POMT2: variants seen among roughly 807,000 people sequenced by gnomAD.
The protein encoded by POMT2 is protein O-mannosyltransferase 2, also known as protein O-mannosyl-transferase 2.
Under a neutral mutation model 100.0 loss-of-function variants are expected in POMT2, and 75 were observed. The observed-to-expected ratio is 0.75, with a 90% CI of 0.62 to 0.91. POMT2 has a LOEUF of 0.91. Among genes scored for constraint, POMT2 ranks in the 40% least tolerant of loss-of-function variants. POMT2 has a pLI of 0.00. For missense variants in POMT2, 940 were observed against 955.1 expected (o/e 0.98, Z 0.21); for synonymous variants, 378 against 374.1 (o/e 1.01, Z -0.12).
chr14:77,310,177 A>G (rs1403474365), intron 2 of POMT2, among the ~76,000 whole-genome samples: 1 of 152,228 alleles, frequency 6.6e-6, no homozygotes, highest in Non-Finnish European at 1.5e-5. Flanking sequence ...GTTTAATTCT[A>G]TGGTAGTAAC....
rs370327528 is a variant in POMT2 at position 77,304,760 on chromosome 14, T to C, written c.479A>G (p.Tyr160Cys). The change falls in exon 4 of 21, where the codon TAC becomes TGC. Residue 160 changes from tyrosine to cysteine, a missense_variant. Tyr to Cys is a radical substitution (Grantham distance 194, BLOSUM62 -2). Coordinates refer to ENST00000261534, the MANE Select transcript of POMT2 (RefSeq NM_013382.7). Reference sequence around the variant, plus strand: ...CTTGGACAGATCCAGTACAGTGAGGTAGGCAAAGGGGACCAGCCAGGAGCC... The same window carrying C: ...CTTGGACAGATCCAGTACAGTGAGGCAGGCAAAGGGGACCAGCCAGGAGCC... ...FLGSWLVPFA[Y>C]LTVLDLSKSL... 1 of 1,600,534 alleles carries C rather than the reference T, an allele frequency of 6.2e-7. No individual in the cohort carries two copies. The highest frequency in any genetic ancestry group is 1.1e-5 in the South Asian group (1 of 87,788).
chr14:77,303,548 C>T (rs1007934572), intron 4 of POMT2, among the ~76,000 whole-genome samples: 1 of 152,132 alleles, frequency 6.6e-6, no homozygotes, highest in African/African-American at 2.4e-5. Flanking sequence ...TCTGCCCTTT[C>T]CACGCCAGCC....
Position 77,299,533 on chromosome 14 carries a change from C to T in POMT2, c.845G>A (p.Arg282His), listed in dbSNP as rs756132642. Residue 282 changes from arginine to histidine, a missense_variant, in exon 7 of 21, where the codon CGT (arginine) becomes CAT (histidine). Coordinates refer to ENST00000261534, the MANE Select transcript of POMT2 (RefSeq NM_013382.7). ...GGGCAGCACTATGAGGCACAGGACA[C>T]GAGCAGTCAGGTGTTTTCCCACAGT... ...LVTVGKHLTA[R>H]VLCLIVLPLA... is the part of the protein sequence containing the mutation. 6.8e-6 allele frequency: 11 copies of T among 1,614,022 alleles called. No homozygotes were observed. Among genetic ancestry groups the T allele is most frequent in the East Asian group, 4.5e-5 (2 of 44,886 alleles).
rs367552151 is a variant in POMT2 at position 77,283,823 on chromosome 14, G to T, written c.1627C>A (p.Leu543Met). ...CGGATCATGACCATGTGGGATTCCA[G>T]CAAGATCTCAGGAAAACTGGGCTGT... ...VLQPSFPEILLESHMVMIRGN... is the reference protein window; with the variant it reads ...VLQPSFPEILMESHMVMIRGN... Residue 543 changes from leucine (L) to methionine (M), a missense_variant, in exon 15 of 21, where the codon CTG (leucine) becomes ATG (methionine). Coordinates refer to ENST00000261534, the MANE Select transcript of POMT2 (RefSeq NM_013382.7). 49 of 1,612,818 alleles carry T rather than the reference G, an allele frequency of 3.0e-5. No homozygotes were observed. The African/African-American group carries it at 5.7e-4, about 19-fold the overall frequency.
At chr14:77,294,188 C>T (rs61990299) in intron 9 of POMT2, among the ~76,000 whole-genome samples, 36,956 of 152,102 alleles carry the variant, frequency 0.24, 5,548 homozygotes, top group East Asian at 0.43. Flanking sequence ...AATCCAATAC[C>T]CTGTAATATG....
chr14:77,278,701 C>CT (rs1161927794), intron 19 of POMT2, 28 bp downstream of exon 19: 1 of 1,613,506 alleles, frequency 6.2e-7, no homozygotes, highest in Non-Finnish European at 8.5e-7. Context: ...CCTGCTCTGT[C>CT]TCCCAAGTCC....
chr14:77,310,571 CT>C lies in POMT2; in HGVS notation c.333+1377del, dbSNP rs575945869. Among the ~76,000 whole-genome samples the C allele has an allele frequency of 8.3e-4, 126 of 152,288 alleles. 1 individual carries two copies. The highest frequency in any genetic ancestry group is 2.9e-3 in the African/African-American group (120 of 41,560). ...CTACCTCGCTTCCCATCCCTCCACG[CT>C]GTAGGGCCCCCTGCTCTCATGCTTC... is the stretch of plus-strand genomic sequence containing the variant. On this transcript the variant is annotated intron_variant, in intron 2 of 20. Coordinates refer to ENST00000261534, the MANE Select transcript of POMT2 (RefSeq NM_013382.7).
At chr14:77,312,987 A>G (rs1891494376) in intron 1 of POMT2, among the ~76,000 whole-genome samples, 1 of 152,236 alleles carries the variant, frequency 6.6e-6, no homozygotes, top group Admixed American at 6.5e-5. Flanking sequence ...GCAAGTAAAT[A>G]AGTGATTTGA....
chr14:77,277,438 G>C lies in POMT2; in HGVS notation c.2191C>G (p.Leu731Val). The C allele has an allele frequency of 6.2e-7, 1 of 1,614,066 alleles. No homozygotes were observed. The highest frequency in any genetic ancestry group is 8.5e-7 in the Non-Finnish European group (1 of 1,179,900). Reference sequence around the variant, plus strand: ...ATTGGACTTTGGGGGTCCTGGGCCAGGGGACCAACCATCCCGTAAGCCAGA... The same window carrying C: ...ATTGGACTTTGGGGGTCCTGGGCCACGGGACCAACCATCCCGTAAGCCAGA... Reference protein sequence around the residue: ...HPLAYGMVGPLAQDPQSPMAG... With the variant: ...HPLAYGMVGPVAQDPQSPMAG... Residue 731 changes from leucine to valine, a missense_variant, in exon 21 of 21, where the codon CTG becomes GTG. Transcript: ENST00000261534.
chr14:77,277,391 G>C lies in POMT2; in HGVS notation c.2238C>G (p.Asp746Glu). ...QSPMAGLRWLDSWDF is the reference protein window; with the variant it reads ...QSPMAGLRWLESWDF Reference sequence around the variant, plus strand: ...TGCAGTGGCCTCAAAAGTCCCATGAGTCCAGCCACCTTAGTCCTGCCATTG... The same window carrying C: ...TGCAGTGGCCTCAAAAGTCCCATGACTCCAGCCACCTTAGTCCTGCCATTG... Residue 746 changes from aspartate to glutamate, a missense_variant, in exon 21 of 21, where the codon GAC (aspartate) becomes GAG (glutamate). Asp to Glu is a conservative substitution (Grantham distance 45, BLOSUM62 2). Coordinates refer to ENST00000261534, the MANE Select transcript of POMT2 (RefSeq NM_013382.7). The C allele has an allele frequency of 6.2e-7, 1 of 1,613,232 alleles. No individual in the cohort carries two copies. Among genetic ancestry groups the C allele is most frequent in the South Asian group, 1.1e-5 (1 of 91,064 alleles).
At chr14:77,316,897 G>C (rs1891651127) in intron 1 of POMT2, among the ~76,000 whole-genome samples, 1 of 152,236 alleles carries the variant, frequency 6.6e-6, no homozygotes, top group Non-Finnish European at 1.5e-5. Flanking sequence ...AGAGATGAAA[G>C]CTGAGAAGTG....
rs143747653 is a variant in POMT2, at chr14:77,278,812, T to C, written c.1949A>G (p.His650Arg). ...GGQVLLGWTL[H>R]YFPFFLMGRV... ...GCCCATCAGGAAAAACGGGAAGTAA[T>C]GGAGTGTCCAGCCGAGCAGGACCTG... The change falls in exon 19 of 21, where the codon CAT becomes CGT. Residue 650 changes from histidine (H) to arginine (R), a missense_variant. His to Arg is a conservative substitution (Grantham distance 29, BLOSUM62 0). Transcript: ENST00000261534. The C allele has an allele frequency of 1.2e-6, 2 of 1,613,376 alleles. No homozygotes were observed. Among genetic ancestry groups the C allele is most frequent in the Non-Finnish European group, 1.7e-6 (2 of 1,179,784 alleles).
intron 11 of POMT2, chr14:77,287,201 C>T: frequency 3.3e-6 from 1 of 306,002 alleles, no homozygotes; most frequent in Non-Finnish European, 6.4e-6. Flanking sequence ...TCTGCATGGC[C>T]TGAGCTAGGT....
At chr14:77,297,209 G>A (rs568137336) in intron 8 of POMT2, among the ~76,000 whole-genome samples, 7 of 152,272 alleles carry the variant, frequency 4.6e-5, no homozygotes, top group African/African-American at 9.6e-5. Context: ...GGCCAACCTC[G>A]GCAGCCCTGC....
intron 5 of POMT2, 139 bp downstream of exon 5, chr14:77,302,696 A>G: frequency 2.7e-6 from 2 of 729,586 alleles, no homozygotes; most frequent in Non-Finnish European, 4.7e-6. Flanking sequence ...CTAAGTTAAA[A>G]AAACAAACAA....
At position 77,301,216 on chromosome 14, in the gene POMT2, G is replaced by C. The variant is rs895876912; in HGVS notation, c.690C>G (p.Ser230Arg). Reference protein sequence around the residue: ...PFSAPWWFWLSLTGVSLAGAL... With the variant: ...PFSAPWWFWLRLTGVSLAGAL... ...CACCAGCAAGACTAACGCCAGTCAG[G>C]CTGAGCCAGAACCACCAGGGGGCAG... The change falls in exon 6 of 21, where the codon AGC (serine) becomes AGG (arginine). Residue 230 changes from serine to arginine, a missense_variant. Transcript: ENST00000261534. 2.5e-6 allele frequency: 4 copies of C among 1,614,090 alleles called. No homozygotes were observed. Among genetic ancestry groups the C allele is most frequent in the African/African-American group, 1.3e-5 (1 of 74,930 alleles).
Position 77,278,450 on chromosome 14 carries a change from C to G in POMT2, c.2091G>C (p.Leu697=). The G allele has an allele frequency of 1.3e-6, 2 of 1,506,484 alleles. No homozygotes were observed. Among genetic ancestry groups the G allele is most frequent in the Non-Finnish European group, 1.8e-6 (2 of 1,105,972 alleles). 93.3% of individuals were successfully genotyped at this position (1,506,484 alleles called of 1,614,324 possible). The part of the protein sequence containing the change: ...LCAWGLASWP[L]ARGIHVAGIL... Reference sequence around the variant, plus strand: ...TTCCCGCCACATGTATGCCCCTCGCCAGGGGCCATGAGGCCAAGCCCCAGG... The same window carrying G: ...TTCCCGCCACATGTATGCCCCTCGCGAGGGGCCATGAGGCCAAGCCCCAGG... Residue 697 remains leucine, a synonymous_variant, in exon 20 of 21, where the codon CTG becomes CTC. Transcript: ENST00000261534.
intron 12 of POMT2, 34 bp downstream of exon 12, chr14:77,286,707 CTTT>C: frequency 1.9e-6 from 3 of 1,613,870 alleles, no homozygotes; most frequent in Non-Finnish European, 2.5e-6. Context: ...AGGCCCATAA[CTTT>C]TACGTCCTAC....
chr14:77,296,317 C>G, intron 8 of POMT2, 44 bp from the exon 9 acceptor site: 1 of 1,397,686 alleles, frequency 7.2e-7, no homozygotes, highest in Non-Finnish European at 9.9e-7. Flanking sequence ...GGCACAGTGC[C>G]AGAGGCTGTC....
Sources: gnomAD v4.1 joint callset for allele counts (sites outside exome capture counted in the v4.1 genomes callset) on GRCh38, gnomAD v4.1.1 for gene constraint, MANE v1.5 for transcripts, NCBI Gene and HGNC (gene_info 2026-07-23, HGNC 2026-07-21) for gene names.